PXDNL: variants seen among roughly 807,000 people sequenced by gnomAD.
PXDNL encodes probable oxidoreductase PXDNL.
Under a neutral mutation model 150.8 loss-of-function variants are expected in PXDNL, and 145 were observed. The ratio of observed to expected loss-of-function variants is 0.96; its 90% CI spans 0.84 to 1.10. PXDNL has a LOEUF of 1.10. Ranked by LOEUF, PXDNL falls within the 50% of genes least tolerant of loss-of-function variation. The pLI is 0.00. For missense variants in PXDNL, 2,087 were observed against 1,873.9 expected (o/e 1.11, Z -2.10); for synonymous variants, 757 against 725.7 (o/e 1.04, Z -0.69).
chr8:51,421,039 G>A (rs1029603474), intron 14 of PXDNL, among the ~76,000 whole-genome samples: 1 of 152,134 alleles, frequency 6.6e-6, no homozygotes, highest in Non-Finnish European at 1.5e-5. Context: ...TTAAATTTCT[G>A]TTAAAGAAGA....
At chr8:51,675,584 G>C in intron 1 of PXDNL, among the ~76,000 whole-genome samples, 1 of 151,908 alleles carries the variant, frequency 6.6e-6, no homozygotes, top group Non-Finnish European at 1.5e-5. Context: ...CATAAGGTCA[G>C]GAGTTCAAGA....
chr8:51,690,306 G>A (rs1815967011), intron 1 of PXDNL, among the ~76,000 whole-genome samples: 1 of 152,118 alleles, frequency 6.6e-6, no homozygotes, highest in East Asian at 1.9e-4. Flanking sequence ...ATCTCCTAAT[G>A]CTATCCCTCC....
At chr8:51,624,883 A>G (rs1232668074) in intron 2 of PXDNL, among the ~76,000 whole-genome samples, 1 of 151,880 alleles carries the variant, frequency 6.6e-6, no homozygotes, top group African/African-American at 2.4e-5. Context: ...TTACCCATCT[A>G]TTATTGTGCA....
chr8:51,687,194 C>T (rs1046945399), intron 1 of PXDNL, among the ~76,000 whole-genome samples: 6 of 152,152 alleles, frequency 3.9e-5, no homozygotes, highest in Non-Finnish European at 5.9e-5. Context: ...AAATAGTCAG[C>T]GGTAGCAAGA....
chr8:51,571,089 T>C (rs1429689879), intron 3 of PXDNL, among the ~76,000 whole-genome samples: 1 of 150,850 alleles, frequency 6.6e-6, no homozygotes, highest in Non-Finnish European at 1.5e-5. Context: ...TATCAGTTCT[T>C]TTTTTTTGAA....
chr8:51,605,439 A>C (rs1813818229), intron 2 of PXDNL, among the ~76,000 whole-genome samples: 1 of 151,996 alleles, frequency 6.6e-6, no homozygotes, highest in South Asian at 2.1e-4. Flanking sequence ...AAAAGAAAGA[A>C]TCTGAATTCA....
chr8:51,790,370 G>T (rs2129255090), intron 1 of PXDNL, among the ~76,000 whole-genome samples: 1 of 152,266 alleles, frequency 6.6e-6, no homozygotes, highest in East Asian at 1.9e-4. Flanking sequence ...AGACTCCAAA[G>T]AATGAACATT....
At chr8:51,526,737 G>A (rs1325046003) in intron 4 of PXDNL, among the ~76,000 whole-genome samples, 2 of 152,156 alleles carry the variant, frequency 1.3e-5, no homozygotes, top group Non-Finnish European at 2.9e-5. Context: ...AGATGCTGTT[G>A]CTAATAATGA....
chr8:51,543,362 T>C (rs577998323), intron 4 of PXDNL, among the ~76,000 whole-genome samples: 1 of 152,110 alleles, frequency 6.6e-6, no homozygotes, highest in East Asian at 1.9e-4. Context: ...TCCTGTTGTC[T>C]AAAAAAGGTA....
In PXDNL at chr8:51,738,340, T is replaced by TC. The variant is rs911346621; in HGVS notation, c.164+70840dup. Among the ~76,000 whole-genome samples the TC allele has an allele frequency of 3.3e-5, 5 of 152,178 alleles. 1 individual carries two copies. The highest frequency in any genetic ancestry group is 1.2e-4 in the African/African-American group (5 of 41,446). The stretch of plus-strand genomic sequence containing the variant: ...TGCTCTTCAGCCAAAGCCACCATCT[T>TC]CTGTCTCCCAAAACGTGCTGTGCTC... On this transcript the variant is annotated intron_variant, in intron 1 of 22. Transcript: ENST00000356297.
At chr8:51,594,674 T>C (rs1315103447) in intron 2 of PXDNL, among the ~76,000 whole-genome samples, 1 of 152,180 alleles carries the variant, frequency 6.6e-6, no homozygotes, top group African/African-American at 2.4e-5. Flanking sequence ...TGGTTCACAG[T>C]TGAATGTATT....
chr8:51,483,667 G>GAA lies in PXDNL; in HGVS notation c.498_499dup (p.Ser167PhefsTer7). On this transcript the variant is annotated frameshift_variant, in exon 6 of 23. Transcript: ENST00000356297. LOFTEE classifies it high-confidence loss of function. ...CAATCTTTTTAATGAATCCAGATTA[G>GAA]AAAAGCTCCCAGCTGGAATTTTAGA... is the stretch of plus-strand genomic sequence containing the variant. 1 of 1,525,560 alleles carries GAA rather than the reference G, an allele frequency of 6.6e-7. No individual in the cohort carries two copies. 94.5% of individuals were successfully genotyped at this position (1,525,560 alleles called of 1,614,324 possible).
intron 2 of PXDNL, among the ~76,000 whole-genome samples, chr8:51,624,308 T>C (rs891371088): frequency 6.6e-6 from 1 of 152,014 alleles, no homozygotes; most frequent in African/African-American, 2.4e-5. Context: ...GAGTAATTCA[T>C]CCAACCCAAG....
chr8:51,414,787 G>A (rs146491220), intron 14 of PXDNL, among the ~76,000 whole-genome samples: 60 of 152,202 alleles, frequency 3.9e-4, no homozygotes, highest in Middle Eastern at 3.4e-3. Flanking sequence ...ACAAAGAAAC[G>A]TTATAATACA....
intron 4 of PXDNL, among the ~76,000 whole-genome samples, chr8:51,511,505 C>T (rs746155022): frequency 2.0e-5 from 3 of 152,170 alleles, no homozygotes; most frequent in Non-Finnish European, 2.9e-5. Flanking sequence ...GAGGTCAGCA[C>T]GGGGACTCTT....
chr8:51,408,052 C>T lies in PXDNL; in HGVS notation c.3557+15G>A. 1 of 1,582,864 alleles carries T rather than the reference C, an allele frequency of 6.3e-7. No homozygotes were observed. The highest frequency in any genetic ancestry group is 8.6e-7 in the Non-Finnish European group (1 of 1,166,226). ...CTAAGAAATGTTTAAATCCAGGCAG[C>T]ATTTGCATACTTACTTTCTCAGTTT... On this transcript the variant is annotated intron_variant, in intron 17 of 22. Coordinates refer to ENST00000356297, the MANE Select transcript of PXDNL (RefSeq NM_144651.5).
chr8:51,781,061 C>A (rs184481098), intron 1 of PXDNL, among the ~76,000 whole-genome samples: 1 of 152,174 alleles, frequency 6.6e-6, no homozygotes, highest in East Asian at 1.9e-4. Flanking sequence ...TCCCAGAGGA[C>A]CTGCCGATAC....
intron 1 of PXDNL, among the ~76,000 whole-genome samples, chr8:51,705,375 G>C (rs558730843): frequency 6.6e-6 from 1 of 152,292 alleles, no homozygotes; most frequent in Admixed American, 6.5e-5. Context: ...TAGGTTACTT[G>C]GTCTGGCATA....
intron 19 of PXDNL, among the ~76,000 whole-genome samples, chr8:51,354,830 G>A (rs971468782): frequency 1.3e-5 from 2 of 152,050 alleles, no homozygotes; most frequent in African/African-American, 4.8e-5. Flanking sequence ...TAGAACTTAT[G>A]AGAGGGTTAT....
Sources: allele counts gnomAD v4.1 joint callset (sites outside exome capture counted in the v4.1 genomes callset), GRCh38; gene constraint gnomAD v4.1.1; transcripts MANE v1.5; gene names NCBI Gene and HGNC (gene_info 2026-07-23, HGNC 2026-07-21).